KLF12: variants seen among roughly 807,000 people sequenced by gnomAD.
KLF12 encodes the protein Krueppel-like factor 12.
In KLF12, 9 loss-of-function variants were observed where a neutral mutation model predicts 37.8. That is an observed-to-expected ratio of 0.24 (90% CI 0.14 to 0.42). KLF12 has a LOEUF of 0.42. KLF12 is among the 10% of genes least tolerant of loss of function. KLF12 has a pLI of 1.00. For synonymous variants in KLF12, 208 were observed against 202.1 expected (o/e 1.03, Z -0.25); for missense variants, 411 against 516.0 (o/e 0.80, Z 1.97).
At chr13:74,236,077 C>T in the KLF12 span, among the ~76,000 whole-genome samples, 1 of 148,874 alleles carries the variant, frequency 6.7e-6, no homozygotes, top group African/African-American at 2.5e-5. Flanking sequence ...GTATATCTCC[C>T]AATGCTGTCC....
At chr13:74,117,800 C>G (rs1877395058) in intron 1 of KLF12, among the ~76,000 whole-genome samples, 1 of 152,162 alleles carries the variant, frequency 6.6e-6, no homozygotes, top group Admixed American at 6.5e-5. Context: ...TGAACCAAAA[C>G]TGAAGGACGT....
At chr13:74,067,468 G>A (rs1325386072) in intron 1 of KLF12, among the ~76,000 whole-genome samples, 1 of 152,226 alleles carries the variant, frequency 6.6e-6, no homozygotes, top group Admixed American at 6.5e-5. Context: ...AAGAGGAAAT[G>A]TGTAAATTGT....
chr13:73,971,930 TAAATAGTATTGTTTTCTACTCAC>T (rs1328001729), intron 2 of KLF12, among the ~76,000 whole-genome samples: 1 of 152,296 alleles, frequency 6.6e-6, no homozygotes, highest in Admixed American at 6.5e-5. Context: ...GTAAGGGCTT[TAAATAGTATTGTTTTCTACTCAC>T]AAATTAACCA....
chr13:73,873,810 A>G (rs1341367119), intron 3 of KLF12, among the ~76,000 whole-genome samples: 1 of 152,160 alleles, frequency 6.6e-6, no homozygotes, highest in Non-Finnish European at 1.5e-5. Flanking sequence ...ATGTATTAAT[A>G]TGTTTTAAAA....
chr13:74,133,700 G>A (rs1404072437), intron 1 of KLF12, among the ~76,000 whole-genome samples: 1 of 151,982 alleles, frequency 6.6e-6, no homozygotes, highest in African/African-American at 2.4e-5. Context: ...AAAGAGGAGG[G>A]GGTTGTTTAT....
chr13:74,216,785 T>C, the KLF12 span, among the ~76,000 whole-genome samples: 1 of 152,182 alleles, frequency 6.6e-6, no homozygotes, highest in Non-Finnish European at 1.5e-5. Flanking sequence ...ACATCCTCTG[T>C]AGCAAGAAGT....
At position 73,846,073 on chromosome 13, in the gene KLF12, C is replaced by A. The variant is rs538182823; in HGVS notation, c.424G>T (p.Val142Leu). 3.1e-6 allele frequency: 5 copies of A among 1,614,068 alleles called. No individual in the cohort carries two copies. The highest frequency in any genetic ancestry group is 4.2e-6 in the Non-Finnish European group (5 of 1,180,000). Residue 142 changes from valine (V) to leucine (L), a missense_variant, in exon 4 of 8, where the codon GTA becomes TTA. By Grantham distance (32) the Val-to-Leu change is conservative (BLOSUM62 1). Transcript: ENST00000377669. ...GCCACAAGGGGCCCTGGAGTTAATA[C>A]TGTTGACGAAGATGACGCTGAAGAT...
chr13:73,984,434 G>A (rs953078932), intron 2 of KLF12, among the ~76,000 whole-genome samples: 1 of 152,114 alleles, frequency 6.6e-6, no homozygotes, highest in African/African-American at 2.4e-5. Context: ...TCTTGCTCAG[G>A]GAAGGGTGCC....
chr13:74,226,403 A>C, the KLF12 span, among the ~76,000 whole-genome samples: 1 of 152,124 alleles, frequency 6.6e-6, no homozygotes, highest in Non-Finnish European at 1.5e-5. Flanking sequence ...ACAGTAAGGG[A>C]ATAGGTTAGC....
chr13:74,123,309 T>C (rs1877748105), intron 1 of KLF12, among the ~76,000 whole-genome samples: 1 of 152,216 alleles, frequency 6.6e-6, no homozygotes, highest in South Asian at 2.1e-4. Flanking sequence ...AGGAAAAGTT[T>C]TTCTAGTAAG....
rs1873643528 is a variant in KLF12 at position 73,688,723 on chromosome 13, A to G, written c.*6767T>C. 1.3e-5 allele frequency: 2 copies of G among 152,172 alleles called. No individual in the cohort carries two copies. The highest frequency in any genetic ancestry group is 1.5e-5 in the Non-Finnish European group (1 of 68,032). The allele number at this position is 152,172 out of a possible 1,614,324, so 9.4% of individuals were successfully genotyped here. A position where few individuals can be genotyped will look rare whatever the true frequency, so the allele number is the denominator to read the frequency against. Reference sequence around the variant, plus strand: ...TTTCAAATATTCAGTACCATTGTTAAGTCATGTGTTATATCATGTCCCGAT... The same window carrying G: ...TTTCAAATATTCAGTACCATTGTTAGGTCATGTGTTATATCATGTCCCGAT... On this transcript the variant is annotated 3_prime_UTR_variant, in exon 8 of 8. Transcript: ENST00000377669.
chr13:74,259,106 T>C, the KLF12 span: 1 of 152,268 alleles, frequency 6.6e-6, no homozygotes, highest in Non-Finnish European at 1.5e-5. Flanking sequence ...CATGCTTCTG[T>C]GGCCAGAGAA....
intron 1 of KLF12, among the ~76,000 whole-genome samples, chr13:74,019,006 CTG>C (rs1892771493): frequency 6.6e-6 from 1 of 152,002 alleles, no homozygotes; most frequent in Non-Finnish European, 1.5e-5. Context: ...ATTACAAAAA[CTG>C]TGTATGTATT....
intron 2 of KLF12, among the ~76,000 whole-genome samples, chr13:73,951,250 A>G (rs943707): frequency 0.89 from 135,808 of 152,232 alleles, 60,878 homozygotes; most frequent in Non-Finnish European, 0.94. Context: ...TACTTATTGA[A>G]GGCCAGTCAC....
In KLF12 at chr13:74,066,907, T is replaced by C. The variant is rs145140953; in HGVS notation, c.-32+66832A>G. ...TATACAGCTTTAAGCAAATAAACAA[T>C]AGGTACTTTGAAGACCATTTTAAAG... On this transcript the variant is annotated intron_variant, in intron 1 of 7. Coordinates refer to ENST00000377669, the MANE Select transcript of KLF12 (RefSeq NM_007249.5). Among the ~76,000 whole-genome samples the C allele has an allele frequency of 5.9e-5, 9 of 152,244 alleles. No homozygotes were observed. The East Asian group carries it at 9.7e-4, about 16-fold the overall frequency.
chr13:73,757,219 G>A (rs1879234193), intron 6 of KLF12, among the ~76,000 whole-genome samples: 1 of 152,288 alleles, frequency 6.6e-6, no homozygotes, highest in South Asian at 2.1e-4. Flanking sequence ...CAAGTAGACA[G>A]TGGATTTCAG....
intron 1 of KLF12, among the ~76,000 whole-genome samples, chr13:74,101,276 G>A (rs1876326353): frequency 6.6e-6 from 1 of 152,010 alleles, no homozygotes; most frequent in Non-Finnish European, 1.5e-5. Context: ...CTGTGAAGAG[G>A]GTATTCAAGC....
At chr13:74,126,411 T>C (rs543837189) in intron 1 of KLF12, among the ~76,000 whole-genome samples, 4 of 152,204 alleles carry the variant, frequency 2.6e-5, no homozygotes, top group Non-Finnish European at 5.9e-5. Flanking sequence ...ATATACAATC[T>C]ATTAGTCATT....
At chr13:74,255,396 G>A in the KLF12 span, among the ~76,000 whole-genome samples, 1 of 152,180 alleles carries the variant, frequency 6.6e-6, no homozygotes, top group Non-Finnish European at 1.5e-5. Flanking sequence ...ATACTCATTT[G>A]CTGAGGGTAT....
Sources: gnomAD v4.1 joint callset for allele counts (sites outside exome capture counted in the v4.1 genomes callset) on GRCh38, gnomAD v4.1.1 for gene constraint, MANE v1.5 for transcripts, NCBI Gene and HGNC (gene_info 2026-07-23, HGNC 2026-07-21) for gene names.